Variants in ANK2 observed in about 807,000 individuals in gnomAD.
The protein encoded by ANK2 is ankyrin 2, also known as ankyrin-2.
A neutral mutation model predicts 360.5 loss-of-function variants in ANK2; 83 were observed. The ratio of observed to expected loss-of-function variants is 0.23; its 90% CI spans 0.19 to 0.28. ANK2 has a LOEUF of 0.28. Ranked by LOEUF, ANK2 falls within the 10% of genes least tolerant of loss-of-function variation. ANK2 has a pLI of 1.00. For synonymous variants in ANK2, 1,740 were observed against 1,759.5 expected, an observed-to-expected ratio of 0.99 and a Z score of 0.28; for missense variants, 4,201 against 4,795.7, an observed-to-expected ratio of 0.88 and a Z score of 3.66.
chr4:112,952,112 T>C (rs1268790700), intron 2 of ANK2, among the ~76,000 whole-genome samples: 2 of 152,196 alleles, frequency 1.3e-5, no homozygotes, highest in African/African-American at 4.8e-5. Context: ...GTTATGCAAA[T>C]ATTCCCACTA....
chr4:112,861,869 A>AGAGAGAGAGAGAGAGAGAGAGAG (rs773734914), intron 1 of ANK2, among the ~76,000 whole-genome samples: 45 of 69,222 alleles, frequency 6.5e-4, no homozygotes, highest in African/African-American at 2.2e-3. Context: ...GAGAGAGAGA[A>AGAGAGAGAGAGAGAGAGAGAGAG]ACTCTCACAG....
chr4:113,350,957 C>G (rs2095375663), intron 37 of ANK2: 1 of 152,022 alleles, frequency 6.6e-6, no homozygotes, highest in Non-Finnish European at 1.5e-5. Flanking sequence ...TGATGCAAAT[C>G]CCAAACCTGA....
chr4:113,221,722 A>G (rs17445459), intron 4 of ANK2, among the ~76,000 whole-genome samples: 5,579 of 152,126 alleles, frequency 0.037, 124 homozygotes, highest in East Asian at 0.067. Flanking sequence ...GTAGATAAGT[A>G]GTTTGTTGAA....
rs779200152 is a variant in ANK2 at position 112,933,864 on chromosome 4, A to T, written c.21+29350A>T. ...AGAAAGTGATTTTCTAAAATAAGGTACAAATAATTAATGTAAACATAATCA... is the reference window on the plus strand; with the variant it reads ...AGAAAGTGATTTTCTAAAATAAGGTTCAAATAATTAATGTAAACATAATCA... On this transcript the variant is annotated intron_variant, in intron 2 of 30. Transcript: ENST00000503271. Among the ~76,000 whole-genome samples, 19 of 152,306 alleles carry T rather than the reference A, an allele frequency of 1.2e-4. No individual in the cohort carries two copies. In the South Asian group the frequency reaches 1.7e-3, roughly 13 times the overall value.
At chr4:113,275,169 C>T (rs1286509980) in intron 15 of ANK2, among the ~76,000 whole-genome samples, 1 of 152,132 alleles carries the variant, frequency 6.6e-6, no homozygotes, top group Non-Finnish European at 1.5e-5. Context: ...ACACTTTTGC[C>T]TGGGTATTTA....
intron 24 of ANK2, among the ~76,000 whole-genome samples, chr4:113,317,098 A>T (rs542507801): frequency 2.6e-5 from 4 of 152,332 alleles, no homozygotes; most frequent in Admixed American, 2.0e-4. Flanking sequence ...GTCACTAGAG[A>T]CAAACAAGAG....
chr4:113,290,707 A>C (rs2067119653), intron 20 of ANK2, among the ~76,000 whole-genome samples: 1 of 152,224 alleles, frequency 6.6e-6, no homozygotes, highest in Admixed American at 6.5e-5. Flanking sequence ...AAAGCTAGAA[A>C]ATAAAACATA....
intron 26 of ANK2, among the ~76,000 whole-genome samples, chr4:113,321,742 A>C (rs922042063): frequency 6.6e-6 from 1 of 151,726 alleles, no homozygotes; most frequent in African/African-American, 2.4e-5. Context: ...AATGTAAGGA[A>C]AAAAAAAGGA....
chr4:113,292,622 G>A, intron 21 of ANK2, 108 bp downstream of exon 21: 2 of 1,208,088 alleles, frequency 1.7e-6, no homozygotes, highest in African/African-American at 1.5e-5. Context: ...CTTTAAATAA[G>A]CCCCCTGGAC....
the ANK2 span, among the ~76,000 whole-genome samples, chr4:112,710,466 C>T: frequency 1.5e-4 from 23 of 152,140 alleles, no homozygotes; most frequent in African/African-American, 4.3e-4. Flanking sequence ...GAGACTGAAG[C>T]GAGCGGATTG....
chr4:113,232,523 G>A (rs2099321296), intron 5 of ANK2, among the ~76,000 whole-genome samples: 1 of 152,024 alleles, frequency 6.6e-6, no homozygotes, highest in African/African-American at 2.4e-5. Flanking sequence ...TGACCTTTTA[G>A]GAGGTTTGTA....
chr4:112,757,952 C>CCACTGCAACGGCGCCGTCCTGGCT, the ANK2 span, among the ~76,000 whole-genome samples: 6 of 137,524 alleles, frequency 4.4e-5, no homozygotes, highest in Non-Finnish European at 6.9e-5. Context: ...CCGTCCTGGC[C>CCACTGCAACGGCGCCGTCCTGGCT]CACTGCAACG....
At chr4:113,202,143 T>G (rs974541183) in intron 4 of ANK2, among the ~76,000 whole-genome samples, 4 of 152,128 alleles carry the variant, frequency 2.6e-5, no homozygotes, top group African/African-American at 9.6e-5. Context: ...TGAAAAAAAG[T>G]ATTATTACTT....
At chr4:113,378,053 A>G (rs770282361) in intron 45 of ANK2, 6 of 1,054,354 alleles carry the variant, frequency 5.7e-6, no homozygotes, top group South Asian at 5.4e-5. Flanking sequence ...TCTATAGTTT[A>G]TGATGAGCTT....
chr4:113,257,905 C>T (rs2050383511), intron 11 of ANK2, 145 bp from the exon 12 acceptor site: 1 of 833,840 alleles, frequency 1.2e-6, no homozygotes. Flanking sequence ...CACCATTTTT[C>T]TTTCCAAATT....
intron 24 of ANK2, among the ~76,000 whole-genome samples, chr4:113,316,412 C>A (rs2082997899): frequency 6.6e-6 from 1 of 152,166 alleles, no homozygotes; most frequent in Non-Finnish European, 1.5e-5. Flanking sequence ...TCCTCAAAGA[C>A]AATTGATGCG....
chr4:112,951,925 T>C (rs1158716999), intron 2 of ANK2, among the ~76,000 whole-genome samples: 2 of 152,234 alleles, frequency 1.3e-5, no homozygotes, highest in Non-Finnish European at 2.9e-5. Context: ...TCAACCATGA[T>C]TTGACACATG....
At chr4:113,066,128 T>C (rs1317655383) in intron 1 of ANK2, among the ~76,000 whole-genome samples, 2 of 152,184 alleles carry the variant, frequency 1.3e-5, no homozygotes, top group Non-Finnish European at 1.5e-5. Flanking sequence ...GGTTTAACAG[T>C]GTGTGTAGTT....
chr4:112,997,852 C>T (rs1424299559), intron 2 of ANK2, among the ~76,000 whole-genome samples: 3 of 150,318 alleles, frequency 2.0e-5, no homozygotes, highest in African/African-American at 2.4e-5. Flanking sequence ...TATATATACA[C>T]ACACACATAT....
Sources: gnomAD v4.1 joint callset for allele counts (sites outside exome capture counted in the v4.1 genomes callset) on GRCh38, gnomAD v4.1.1 for gene constraint, MANE v1.5 for transcripts, NCBI Gene and HGNC (gene_info 2026-07-23, HGNC 2026-07-21) for gene names.